RBFOX1: variants seen among roughly 807,000 people sequenced by gnomAD.
The protein encoded by RBFOX1 is RNA binding fox-1 homolog 1.
RBFOX1 carries 8 observed loss-of-function variants against 57.7 expected under a neutral mutation model. The observed-to-expected ratio is 0.14, with a 90% CI of 0.08 to 0.25. The LOEUF (loss-of-function observed/expected upper bound fraction) is 0.25, where lower values mean the gene tolerates loss of function less well. RBFOX1 is among the 10% of genes least tolerant of loss of function. The pLI is 1.00. For synonymous variants in RBFOX1, 326 were observed against 222.4 expected, an observed-to-expected ratio of 1.47 and a Z score of -4.15; for missense variants, 611 against 548.5, an observed-to-expected ratio of 1.11 and a Z score of -1.14.
In RBFOX1 at chr16:6,009,868, T is replaced by G. The variant is rs11642263; in HGVS notation, c.351+142533T>G. Among the ~76,000 whole-genome samples the G allele has an allele frequency of 4.4e-3, 648 of 146,774 alleles. 3 individuals carry two copies. Among genetic ancestry groups the G allele is most frequent in the Non-Finnish European group, 6.2e-3 (413 of 66,484 alleles). On this transcript the variant is annotated intron_variant, in intron 4 of 19. Coordinates refer to the RBFOX1 transcript ENST00000641259. ...GATTTGAAAATTCAGATTCCCATTC[T>G]CATCCTATACTTCCTGAATCAGAAT... is the stretch of plus-strand genomic sequence containing the variant.
intron 4 of RBFOX1, among the ~76,000 whole-genome samples, chr16:7,256,937 A>G (rs1332740800): frequency 6.6e-6 from 1 of 152,088 alleles, no homozygotes; most frequent in Non-Finnish European, 1.5e-5. Context: ...CACATGGGAA[A>G]CAGCCTTTCT....
At chr16:6,808,548 C>T (rs936853123) in intron 3 of RBFOX1, among the ~76,000 whole-genome samples, 1 of 152,094 alleles carries the variant, frequency 6.6e-6, no homozygotes, top group Admixed American at 6.6e-5. Flanking sequence ...GCATACTCAA[C>T]AAACATTGTC....
At chr16:7,703,999 G>A (rs979753027) in intron 14 of RBFOX1, among the ~76,000 whole-genome samples, 2 of 152,190 alleles carry the variant, frequency 1.3e-5, no homozygotes, top group Non-Finnish European at 1.5e-5. Context: ...TCCTCTATCT[G>A]TAGGTGGCTT....
intron 3 of RBFOX1, among the ~76,000 whole-genome samples, chr16:6,806,817 AAT>A (rs1250190342): frequency 7.9e-4 from 67 of 85,116 alleles, no homozygotes; most frequent in African/African-American, 1.0e-3. Flanking sequence ...TAAATATATA[AAT>A]ATATATATAT....
intron 4 of RBFOX1, among the ~76,000 whole-genome samples, chr16:5,958,000 TCTA>T (rs2059679427): frequency 1.3e-5 from 2 of 152,158 alleles, no homozygotes; most frequent in East Asian, 3.8e-4. Context: ...TAATTATCCT[TCTA>T]CTCTCTATGT....
rs1403608097 is a variant in RBFOX1 at position 7,361,852 on chromosome 16, T to C, written c.28-156295T>C. ...TATGATTATGTATATATGTTTTGTG[T>C]GTCTGTGTGTTAGTGCGTGTGTTTT... On this transcript the variant is annotated intron_variant, in intron 4 of 15. Coordinates refer to ENST00000550418, the MANE Select transcript of RBFOX1 (RefSeq NM_018723.4). Among the ~76,000 whole-genome samples the C allele has an allele frequency of 2.0e-5, 3 of 151,148 alleles. No homozygotes were observed. The South Asian group carries it at 6.3e-4, about 32-fold the overall frequency.
chr16:5,457,671 T>C (rs965778187), intron 1 of RBFOX1, among the ~76,000 whole-genome samples: 1 of 152,348 alleles, frequency 6.6e-6, no homozygotes, highest in Admixed American at 6.5e-5. Flanking sequence ...CAGATACTGC[T>C]TTCTCCAAGA....
intron 3 of RBFOX1, among the ~76,000 whole-genome samples, chr16:7,001,517 C>T (rs909282818): frequency 4.6e-5 from 7 of 152,060 alleles, no homozygotes; most frequent in African/African-American, 1.2e-4. Flanking sequence ...AGTACAGTTG[C>T]ATGATCTCAA....
At chr16:6,943,708 TAAAAAA>T (rs35455385) in intron 3 of RBFOX1, among the ~76,000 whole-genome samples, 3 of 134,012 alleles carry the variant, frequency 2.2e-5, no homozygotes, top group Non-Finnish European at 3.2e-5. Flanking sequence ...ACTCTGTCTT[TAAAAAA>T]AAAAAAAAAA....
chr16:5,585,593 G>T (rs1385270754), intron 2 of RBFOX1, among the ~76,000 whole-genome samples: 1 of 152,184 alleles, frequency 6.6e-6, no homozygotes, highest in East Asian at 1.9e-4. Context: ...AGCTTCTGTG[G>T]TTTGTGAGAC....
intron 1 of RBFOX1, among the ~76,000 whole-genome samples, chr16:6,241,475 A>G (rs951751548): frequency 3.3e-5 from 5 of 152,154 alleles, no homozygotes; most frequent in African/African-American, 1.2e-4. Context: ...AAAAAATCAG[A>G]CATGACTGCT....
At chr16:7,445,637 C>T (rs558759524) in intron 4 of RBFOX1, among the ~76,000 whole-genome samples, 10 of 152,166 alleles carry the variant, frequency 6.6e-5, no homozygotes, top group Non-Finnish European at 1.5e-4. Context: ...ACATTTTCTT[C>T]TGGTCTCTTA....
At chr16:6,968,792 G>T (rs189324862) in intron 3 of RBFOX1, among the ~76,000 whole-genome samples, 279 of 151,620 alleles carry the variant, frequency 1.8e-3, no homozygotes, top group Non-Finnish European at 2.8e-3. Flanking sequence ...ACCTTCATTA[G>T]CTCAGAATGT....
intron 2 of RBFOX1, among the ~76,000 whole-genome samples, chr16:5,537,129 C>A (rs1299029105): frequency 6.6e-6 from 1 of 152,080 alleles, no homozygotes; most frequent in Non-Finnish European, 1.5e-5. Context: ...TTAGGTATTC[C>A]CTAGGGCAGT....
At chr16:6,841,243 C>T (rs1049598891) in intron 3 of RBFOX1, among the ~76,000 whole-genome samples, 5 of 151,950 alleles carry the variant, frequency 3.3e-5, no homozygotes, top group African/African-American at 1.2e-4. Flanking sequence ...GTTATCCTGC[C>T]CATTATACTC....
chr16:7,367,337 A>T (rs1414032912), intron 4 of RBFOX1, among the ~76,000 whole-genome samples: 8 of 152,214 alleles, frequency 5.3e-5, no homozygotes, highest in Non-Finnish European at 8.8e-5. Flanking sequence ...GTCCTGTCAC[A>T]AGCAGAGCTG....
chr16:6,943,072 G>A (rs1050056087), intron 3 of RBFOX1, among the ~76,000 whole-genome samples: 1 of 152,174 alleles, frequency 6.6e-6, no homozygotes, highest in African/African-American at 2.4e-5. Flanking sequence ...GTTAGATGCT[G>A]TTGGGATTCA....
chr16:7,188,576 A>T (rs370043157), intron 4 of RBFOX1, among the ~76,000 whole-genome samples: 1 of 152,140 alleles, frequency 6.6e-6, no homozygotes, highest in Non-Finnish European at 1.5e-5. Context: ...ATGCTATTTT[A>T]TACTCTAAGC....
intron 4 of RBFOX1, among the ~76,000 whole-genome samples, chr16:7,228,819 C>G (rs1207137317): frequency 6.6e-6 from 1 of 152,178 alleles, no homozygotes; most frequent in Non-Finnish European, 1.5e-5. Context: ...AACATAATCT[C>G]TCGGTTCTAA....
Sources: allele counts gnomAD v4.1 joint callset (sites outside exome capture counted in the v4.1 genomes callset), GRCh38; gene constraint gnomAD v4.1.1; transcripts MANE v1.5; gene names NCBI Gene and HGNC (gene_info 2026-07-23, HGNC 2026-07-21).